ITSN2: variants seen among roughly 807,000 people sequenced by gnomAD.
The protein encoded by ITSN2 is intersectin-2.
A neutral mutation model predicts 243.7 loss-of-function variants in ITSN2; 156 were observed. The observed-to-expected ratio is 0.64, with a 90% CI of 0.56 to 0.73. ITSN2 has a LOEUF of 0.73. Among genes scored for constraint, ITSN2 ranks in the 30% least tolerant of loss-of-function variants. ITSN2 has a pLI of 0.00. For synonymous variants in ITSN2, 703 were observed against 699.9 expected (o/e 1.00, Z -0.07); for missense variants, 1,801 against 1,996.1 (o/e 0.90, Z 1.86).
intron 1 of ITSN2, among the ~76,000 whole-genome samples, chr2:24,356,638 G>A (rs1463403388): frequency 1.3e-5 from 2 of 152,130 alleles, no homozygotes; most frequent in Non-Finnish European, 1.5e-5. Flanking sequence ...TGATGGCCGG[G>A]TGCAGTGGCT....
intron 24 of ITSN2, among the ~76,000 whole-genome samples, chr2:24,253,634 A>T (rs1162920382): frequency 6.6e-6 from 1 of 152,126 alleles, no homozygotes; most frequent in Non-Finnish European, 1.5e-5. Context: ...ATTTATCACA[A>T]CTGTATGCTC....
At chr2:24,314,807 A>T (rs1044871580) in intron 3 of ITSN2, among the ~76,000 whole-genome samples, 1 of 152,210 alleles carries the variant, frequency 6.6e-6, no homozygotes, top group Admixed American at 6.5e-5. Flanking sequence ...AGAAAAAAAA[A>T]GTCTAGATTT....
At chr2:24,343,015 T>C (rs1028892639) in intron 1 of ITSN2, among the ~76,000 whole-genome samples, 1 of 151,200 alleles carries the variant, frequency 6.6e-6, no homozygotes, top group Non-Finnish European at 1.5e-5. Flanking sequence ...TGCTTGAGTC[T>C]GTAAGATGGG....
At chr2:24,338,608 T>G (rs1387751124) in intron 1 of ITSN2, among the ~76,000 whole-genome samples, 1 of 152,224 alleles carries the variant, frequency 6.6e-6, no homozygotes, top group Non-Finnish European at 1.5e-5. Flanking sequence ...TAAGATGAAA[T>G]TTACAGAATA....
Position 24,310,748 on chromosome 2 carries a change from T to C in ITSN2, c.353-56A>G, listed in dbSNP as rs553706271. On this transcript the variant is annotated intron_variant, in intron 5 of 39. Transcript: ENST00000355123. ...GCTAGAAAATCAATTATAAAACACATGCAAAAAACAAGTTTACAGTACAGT... is the reference window on the plus strand; with the variant it reads ...GCTAGAAAATCAATTATAAAACACACGCAAAAAACAAGTTTACAGTACAGT... The C allele has an allele frequency of 4.2e-6, 6 of 1,442,882 alleles. No homozygotes were observed. The South Asian group carries it at 4.8e-5, about 11-fold the overall frequency. The allele number at this position is 1,442,882 out of a possible 1,614,324, so 89.4% of individuals were successfully genotyped here.
At chr2:24,236,410 G>C (rs745638557) in intron 29 of ITSN2, among the ~76,000 whole-genome samples, 19 of 152,172 alleles carry the variant, frequency 1.2e-4, no homozygotes, top group Non-Finnish European at 2.2e-4. Context: ...TGATAAAAAT[G>C]TCTTATAAGT....
intron 30 of ITSN2, among the ~76,000 whole-genome samples, chr2:24,218,811 A>C (rs1670192255): frequency 6.6e-6 from 1 of 152,226 alleles, no homozygotes; most frequent in Admixed American, 6.5e-5. Context: ...TGAGATTCCT[A>C]GGGAATGACT....
At chr2:24,300,915 T>G (rs1681640523) in intron 11 of ITSN2, among the ~76,000 whole-genome samples, 1 of 152,198 alleles carries the variant, frequency 6.6e-6, no homozygotes, top group African/African-American at 2.4e-5. Context: ...AGAAATACTT[T>G]AACTCAGATG....
At chr2:24,328,221 C>A in intron 1 of ITSN2, 106 bp from the exon 2 acceptor site, 1 of 704,598 alleles carries the variant, frequency 1.4e-6, no homozygotes, top group East Asian at 2.6e-5. Flanking sequence ...CTCACACTTC[C>A]AACAGAAAAC....
intron 35 of ITSN2, 140 bp from the exon 36 acceptor site, chr2:24,209,361 A>T: frequency 1.1e-6 from 1 of 876,516 alleles, no homozygotes; most frequent in Non-Finnish European, 1.7e-6. Flanking sequence ...TCTTCTACAC[A>T]GAACAAATGA....
intron 14 of ITSN2, among the ~76,000 whole-genome samples, chr2:24,295,400 G>A (rs4665684): frequency 0.98 from 148,946 of 152,308 alleles, 72,827 homozygotes; most frequent in East Asian, 0.99. Flanking sequence ...TCTGCCTCCC[G>A]GAATCAAGCG....
intron 1 of ITSN2, among the ~76,000 whole-genome samples, chr2:24,336,947 G>A (rs1415957143): frequency 6.6e-6 from 1 of 151,982 alleles, no homozygotes; most frequent in Non-Finnish European, 1.5e-5. Context: ...AGGCAACGAT[G>A]AACTGAATAT....
chr2:24,274,316 T>C (rs1318170826), intron 18 of ITSN2, among the ~76,000 whole-genome samples: 7 of 152,154 alleles, frequency 4.6e-5, no homozygotes, highest in African/African-American at 1.7e-4. Context: ...ATGCCTATAA[T>C]CCCAGCACTT....
At chr2:24,354,308 T>C (rs753148053) in intron 1 of ITSN2, among the ~76,000 whole-genome samples, 1 of 152,240 alleles carries the variant, frequency 6.6e-6, no homozygotes, top group Admixed American at 6.5e-5. Context: ...ATTTGGAAAT[T>C]GAGCCCAGTG....
intron 25 of ITSN2, among the ~76,000 whole-genome samples, 181 bp downstream of exon 25, chr2:24,252,164 A>C (rs1674425490): frequency 6.6e-6 from 1 of 152,174 alleles, no homozygotes; most frequent in South Asian, 2.1e-4. Context: ...AATAAACCCT[A>C]TTTTACCGGA....
At chr2:24,358,942 G>T (rs916480834) in intron 1 of ITSN2, among the ~76,000 whole-genome samples, 2 of 152,160 alleles carry the variant, frequency 1.3e-5, no homozygotes, top group African/African-American at 4.8e-5. Context: ...TCAATGCATG[G>T]AAGGGTGAAA....
intron 19 of ITSN2, 45 bp downstream of exon 19, chr2:24,271,721 T>G (rs1190444838): frequency 6.8e-7 from 1 of 1,465,564 alleles, no homozygotes; most frequent in African/African-American, 1.4e-5. Context: ...GTCATTTTTT[T>G]CTTGTTGCAT....
intron 13 of ITSN2, 128 bp downstream of exon 13, chr2:24,298,537 C>G: frequency 1.3e-6 from 1 of 763,396 alleles, no homozygotes; most frequent in Non-Finnish European, 2.0e-6. Context: ...CCCAGTTGAT[C>G]TGCCTGCCTT....
chr2:24,220,321 G>A (rs1461611293), intron 30 of ITSN2: 1 of 985,332 alleles, frequency 1.0e-6, no homozygotes, highest in East Asian at 1.1e-4. Flanking sequence ...CAAAGGTATA[G>A]TAGAAATGGA....
Sources: allele counts gnomAD v4.1 joint callset (sites outside exome capture counted in the v4.1 genomes callset), GRCh38; gene constraint gnomAD v4.1.1; transcripts MANE v1.5; gene names NCBI Gene and HGNC (gene_info 2026-07-23, HGNC 2026-07-21).